Variants in NR5A2 observed in about 807,000 individuals in gnomAD.
NR5A2 encodes CYP7A promoter-binding factor.
In NR5A2, 26 loss-of-function variants were observed where a neutral mutation model predicts 62.7. That is an observed-to-expected ratio of 0.41 (90% CI 0.30 to 0.58). NR5A2 has a LOEUF of 0.58. Among genes scored for constraint, NR5A2 ranks in the 20% least tolerant of loss-of-function variants. The pLI is 0.22. For synonymous variants in NR5A2, 246 were observed against 241.7 expected, an observed-to-expected ratio of 1.02 and a Z score of -0.16; for missense variants, 541 against 669.1, an observed-to-expected ratio of 0.81 and a Z score of 2.11.
At chr1:200,126,983 G>A (rs1666731731) in intron 7 of NR5A2, among the ~76,000 whole-genome samples, 1 of 152,162 alleles carries the variant, frequency 6.6e-6, no homozygotes, top group African/African-American at 2.4e-5. Context: ...GGAAGTGGTG[G>A]TGATGCTTTT....
At chr1:200,037,503 A>G (rs1661835704) in intron 1 of NR5A2, among the ~76,000 whole-genome samples, 1 of 152,206 alleles carries the variant, frequency 6.6e-6, no homozygotes, top group Admixed American at 6.5e-5. Context: ...TTTGAAATAA[A>G]CTGATTTTCA....
chr1:200,135,087 C>T (rs950467926), intron 7 of NR5A2, among the ~76,000 whole-genome samples: 2 of 152,220 alleles, frequency 1.3e-5, no homozygotes, highest in African/African-American at 4.8e-5. Flanking sequence ...CAAAATGTGA[C>T]TGGACTCAGC....
At chr1:200,092,970 G>A (rs555317100) in intron 5 of NR5A2, among the ~76,000 whole-genome samples, 5 of 129,576 alleles carry the variant, frequency 3.9e-5, no homozygotes, top group South Asian at 5.4e-4. Context: ...TGCAACCTCC[G>A]CCTCCCAGGT....
intron 7 of NR5A2, among the ~76,000 whole-genome samples, chr1:200,134,040 T>C (rs1201152604): frequency 6.6e-6 from 1 of 151,536 alleles, no homozygotes; most frequent in African/African-American, 2.4e-5. Flanking sequence ...AAAAAGCTTA[T>C]CGAATAAGCA....
intron 5 of NR5A2, among the ~76,000 whole-genome samples, chr1:200,060,315 C>T (rs964493010): frequency 2.0e-5 from 3 of 152,186 alleles, no homozygotes; most frequent in African/African-American, 7.2e-5. Context: ...TCGTTCCCTA[C>T]AAGTCTGAGA....
intron 5 of NR5A2, among the ~76,000 whole-genome samples, chr1:200,051,319 G>A (rs1662621225): frequency 6.6e-6 from 1 of 152,198 alleles, no homozygotes; most frequent in Admixed American, 6.5e-5. Flanking sequence ...GCTAGCGGCT[G>A]TAAGGCATTA....
chr1:200,044,574 T>G (rs1164715738), intron 3 of NR5A2: 1 of 152,106 alleles, frequency 6.6e-6, no homozygotes, highest in Non-Finnish European at 1.5e-5. Context: ...AAATTCAATA[T>G]TCACTATTTT....
intron 5 of NR5A2, among the ~76,000 whole-genome samples, chr1:200,084,896 T>C (rs1664453968): frequency 6.6e-6 from 1 of 152,216 alleles, no homozygotes. Flanking sequence ...AATAATGCTA[T>C]GGTCGAATAC....
intron 5 of NR5A2, among the ~76,000 whole-genome samples, chr1:200,074,742 A>AAAAAAAAAAAAAAAAAAC (rs1558122801): frequency 6.4e-5 from 5 of 77,602 alleles, no homozygotes; most frequent in Non-Finnish European, 1.5e-4. Context: ...ATCTCAAAAA[A>AAAAAAAAAAAAAAAAAAC]AAAAAAAAAA....
intron 5 of NR5A2, among the ~76,000 whole-genome samples, chr1:200,109,331 C>G (rs1326950779): frequency 6.6e-6 from 1 of 152,180 alleles, no homozygotes; most frequent in Non-Finnish European, 1.5e-5. Flanking sequence ...ACATGATCCT[C>G]CAGTTGGGAG....
chr1:200,081,903 AAAAC>A (rs1162547278), intron 5 of NR5A2, among the ~76,000 whole-genome samples: 1 of 152,064 alleles, frequency 6.6e-6, no homozygotes, highest in Non-Finnish European at 1.5e-5. Flanking sequence ...TATTAAAAAA[AAAAC>A]ACCACTCATT....
rs575388185 is a variant in NR5A2, at chr1:200,147,272, A to G, written c.1378+26317A>G. 1.6e-4 allele frequency among the ~76,000 whole-genome samples: 25 copies of G among 152,344 alleles called. No homozygotes were observed. The South Asian group carries it at 5.2e-3, about 32-fold the overall frequency. ...TGTCAGGAGACCTTAGCAATGGCCC[A>G]GGTTCGCTGGCTGCATCTGCTGTGC... On this transcript the variant is annotated intron_variant, in intron 7 of 7. Transcript: ENST00000367362. The surrounding 1 kb of genome is among the most constrained non-coding windows in gnomAD (Gnocchi z 4.9).
chr1:200,054,434 A>G (rs899383539), intron 5 of NR5A2, among the ~76,000 whole-genome samples: 1 of 151,996 alleles, frequency 6.6e-6, no homozygotes, highest in African/African-American at 2.4e-5. Context: ...CCACTTTGTT[A>G]AACAACTAAT....
At chr1:200,074,236 T>A (rs1299425669) in intron 5 of NR5A2, among the ~76,000 whole-genome samples, 22 of 152,058 alleles carry the variant, frequency 1.4e-4, no homozygotes, top group Admixed American at 1.4e-3. Flanking sequence ...TTTTTCTTTT[T>A]GATAATGAAT....
At chr1:200,168,576 GCATGTGTGTGTGTGTA>G (rs1190279337) in intron 7 of NR5A2, among the ~76,000 whole-genome samples, 1 of 152,112 alleles carries the variant, frequency 6.6e-6, no homozygotes, top group Admixed American at 6.6e-5. Context: ...TAGTGTGTGT[GCATGTGTGTGTGTGTA>G]CACACCTATA....
intron 5 of NR5A2, chr1:200,054,136 A>G (rs1238974647): frequency 6.6e-6 from 1 of 152,198 alleles, no homozygotes; most frequent in African/African-American, 2.4e-5. Flanking sequence ...CAAAGATGAC[A>G]CAGGCATTCA....
intron 7 of NR5A2, among the ~76,000 whole-genome samples, chr1:200,149,511 G>C (rs1348293471): frequency 6.6e-6 from 1 of 152,108 alleles, no homozygotes; most frequent in African/African-American, 2.4e-5. Flanking sequence ...TGACTCACTA[G>C]TACTTGGAAG....
At chr1:200,036,494 G>A (rs1303340272) in intron 1 of NR5A2, among the ~76,000 whole-genome samples, 1 of 152,192 alleles carries the variant, frequency 6.6e-6, no homozygotes, top group Non-Finnish European at 1.5e-5. Flanking sequence ...GCTTGACGCT[G>A]GAAGCCTGGT....
At chr1:200,064,527 G>A (rs1044777954) in intron 5 of NR5A2, among the ~76,000 whole-genome samples, 1 of 152,172 alleles carries the variant, frequency 6.6e-6, no homozygotes, top group African/African-American at 2.4e-5. Flanking sequence ...GGATAGGGAA[G>A]GGGCAAGGGG....
Sources: gnomAD v4.1 joint callset for allele counts (sites outside exome capture counted in the v4.1 genomes callset) on GRCh38, gnomAD v4.1.1 for gene constraint, Gnocchi (gnomAD v3.1) non-coding constraint, MANE v1.5 for transcripts, NCBI Gene and HGNC (gene_info 2026-07-23, HGNC 2026-07-21) for gene names.